The following MGAT5 variants were observed in gnomAD, a reference collection of about 807,000 sequenced individuals.
The protein encoded by MGAT5 is alpha-1,6-mannosylglycoprotein 6-beta-N-acetylglucosaminyltransferase.
MGAT5 carries 30 observed loss-of-function variants against 94.3 expected under a neutral mutation model. The observed-to-expected ratio is 0.32, with a 90% CI of 0.24 to 0.43. The LOEUF (loss-of-function observed/expected upper bound fraction) is 0.43, where lower values mean the gene tolerates loss of function less well. Ranked by LOEUF, MGAT5 falls within the 20% of genes least tolerant of loss-of-function variation. The probability of loss-of-function intolerance (pLI) is 1.00; values close to 1 mark genes in which losing one functional copy is unlikely to be tolerated. For missense variants in MGAT5, 691 were observed against 905.5 expected (o/e 0.76, Z 3.04); for synonymous variants, 310 against 322.9 (o/e 0.96, Z 0.43).
chr2:134,143,221 G>A (rs1686742865), intron 1 of MGAT5, among the ~76,000 whole-genome samples: 1 of 152,270 alleles, frequency 6.6e-6, no homozygotes, highest in East Asian at 1.9e-4. Context: ...GGTTTTATTT[G>A]GTGGGGGGAT....
rs1686049071 is a variant in MGAT5, at chr2:134,450,654, C to G, written c.*1807C>G. On this transcript the variant is annotated 3_prime_UTR_variant, in exon 16 of 16. Coordinates refer to ENST00000281923, the MANE Select transcript of MGAT5 (RefSeq NM_002410.5). Reference sequence around the variant, plus strand: ...TTAGGTGGCCCCCAAGCACATCTGCCAGGTAGAGTACCATGGGGAGGCCTC... The same window carrying G: ...TTAGGTGGCCCCCAAGCACATCTGCGAGGTAGAGTACCATGGGGAGGCCTC... 1.3e-5 allele frequency: 2 copies of G among 152,364 alleles called. No homozygotes were observed. Among genetic ancestry groups the G allele is most frequent in the Non-Finnish European group, 2.9e-5 (2 of 68,124 alleles). The allele number at this position is 152,364 out of a possible 1,614,324, so 9.4% of individuals were successfully genotyped here.
rs749978939 is a variant in MGAT5, at chr2:134,318,718, T to C, written c.552T>C (p.Ser184=). Reference sequence around the variant, plus strand: ...ATGGAGTGGATGGATCCACCTGCTCTTTTTTTATTTACCTCAGTGAGGTGA... The same window carrying C: ...ATGGAGTGGATGGATCCACCTGCTCCTTTTTTATTTACCTCAGTGAGGTGA... ...ADYGVDGSTC[S]FFIYLSEVEN... Residue 184 remains serine (S), a synonymous_variant, in exon 4 of 16, where the codon TCT becomes TCC. Coordinates refer to ENST00000281923, the MANE Select transcript of MGAT5 (RefSeq NM_002410.5). 24 of 1,612,370 alleles carry C rather than the reference T, an allele frequency of 1.5e-5. No individual in the cohort carries two copies. The highest frequency in any genetic ancestry group is 1.6e-4 in the Middle Eastern group (1 of 6,076).
chr2:134,439,916 TGCTAGGAGCCCTGGG>T (rs1685390770), intron 14 of MGAT5, among the ~76,000 whole-genome samples: 5 of 152,140 alleles, frequency 3.3e-5, no homozygotes, highest in Non-Finnish European at 7.4e-5. Flanking sequence ...CTTGCGTCAG[TGCTAGGAGCCCTGGG>T]CCCTGAGATT....
chr2:134,406,518 T>C (rs1449223000), intron 11 of MGAT5, among the ~76,000 whole-genome samples: 2 of 152,152 alleles, frequency 1.3e-5, no homozygotes, highest in Non-Finnish European at 2.9e-5. Context: ...CTTATCCTCA[T>C]GACTGACTGT....
chr2:134,136,789 C>T (rs1350147546), intron 1 of MGAT5, among the ~76,000 whole-genome samples: 2 of 152,162 alleles, frequency 1.3e-5, no homozygotes, highest in Non-Finnish European at 2.9e-5. Context: ...TTTCCCTCCT[C>T]TTCATCAAGA....
rs1680973136 is a variant in MGAT5, at chr2:134,224,825, T to A, written c.-142-29437T>A. ...CAGGCATGGAGGCTCATACCTGTTATCCCAGCACTTTGGGAGGCCAAGGTG... is the reference window on the plus strand; with the variant it reads ...CAGGCATGGAGGCTCATACCTGTTAACCCAGCACTTTGGGAGGCCAAGGTG... On this transcript the variant is annotated intron_variant, in intron 1 of 16. Transcript: ENST00000409645. Among the ~76,000 whole-genome samples the A allele has an allele frequency of 3.9e-5, 6 of 152,268 alleles. No individual in the cohort carries two copies. In the South Asian group the frequency reaches 1.2e-3, roughly 32 times the overall value.
chr2:134,161,645 G>T (rs1397562122), intron 1 of MGAT5, among the ~76,000 whole-genome samples: 2 of 152,182 alleles, frequency 1.3e-5, no homozygotes, highest in African/African-American at 4.8e-5. Context: ...CTTCTAGTAA[G>T]GGTGTGATCT....
chr2:134,120,322 C>T, intron 1 of MGAT5: 2 of 390,492 alleles, frequency 5.1e-6, no homozygotes, highest in East Asian at 3.6e-5. Flanking sequence ...GTGATCGCGT[C>T]GGAGGGAGCT....
Position 134,449,009 on chromosome 2 carries a change from C to T in MGAT5, c.*162C>T. ...ATTGCCCTTGCTGCACTCCGAGCAACCCAGTGGAGTCTTCACCAAAACAAA... is the reference window on the plus strand; with the variant it reads ...ATTGCCCTTGCTGCACTCCGAGCAATCCAGTGGAGTCTTCACCAAAACAAA... On this transcript the variant is annotated 3_prime_UTR_variant, in exon 16 of 16. Transcript: ENST00000281923. The T allele has an allele frequency of 1.5e-6, 1 of 668,986 alleles. No individual in the cohort carries two copies. The highest frequency in any genetic ancestry group is 2.7e-5 in the East Asian group (1 of 36,614). The allele number at this position is 668,986 out of a possible 1,614,324, so 41.4% of individuals were successfully genotyped here. A position where few individuals can be genotyped will look rare whatever the true frequency, so the allele number is the denominator to read the frequency against.
rs76445577 is a variant in MGAT5, at chr2:134,304,550, G to A, written c.407-12979G>A. 2.1e-3 allele frequency among the ~76,000 whole-genome samples: 327 copies of A among 152,250 alleles called. 3 individuals carry two copies. The highest frequency in any genetic ancestry group is 7.4e-3 in the African/African-American group (308 of 41,542). ...CACAAATTCATTAGCCTTTTATGTG[G>A]AGTTGATGAATAGCATTCCAGGATT... On this transcript the variant is annotated intron_variant, in intron 2 of 15. Coordinates refer to ENST00000281923, the MANE Select transcript of MGAT5 (RefSeq NM_002410.5).
At chr2:134,234,259 C>T (rs1681519596) in intron 1 of MGAT5, among the ~76,000 whole-genome samples, 1 of 152,128 alleles carries the variant, frequency 6.6e-6, no homozygotes. Context: ...CAAGAGACTC[C>T]TAGAGCAGTG....
chr2:134,246,106 T>TA (rs1682243624), intron 1 of MGAT5, among the ~76,000 whole-genome samples: 1 of 149,846 alleles, frequency 6.7e-6, no homozygotes, highest in Non-Finnish European at 1.5e-5. Flanking sequence ...AAAATAAGAC[T>TA]AGTTTAGCCA....
rs201517500 is a variant in MGAT5 at position 134,148,757 on chromosome 2, A to AG, written c.-143+28468dup. 3.1e-4 allele frequency among the ~76,000 whole-genome samples: 38 copies of AG among 121,100 alleles called. 2 individuals are homozygous for AG. In the East Asian group the frequency reaches 7.5e-3, roughly 24 times the overall value. The allele number at this position is 121,100 out of a possible 152,430, so 79.4% of individuals were successfully genotyped here. ...TCCTTGAAATTAAGTTCTCTTTCTT[A>AG]GGTTTTTTTTTTTTTTTTTTTTTGA... On this transcript the variant is annotated intron_variant, in intron 1 of 16. Coordinates refer to the MGAT5 transcript ENST00000409645.
chr2:134,289,114 C>A (rs574839788), intron 2 of MGAT5, among the ~76,000 whole-genome samples: 1 of 152,046 alleles, frequency 6.6e-6, no homozygotes, highest in African/African-American at 2.4e-5. Context: ...GCCATCACTT[C>A]CATCCTCTTC....
chr2:134,281,437 G>T (rs1428402001), intron 2 of MGAT5, among the ~76,000 whole-genome samples: 1 of 152,214 alleles, frequency 6.6e-6, no homozygotes, highest in African/African-American at 2.4e-5. Context: ...ATGACTGAAA[G>T]TATTGGTTGC....
chr2:134,308,890 G>A (rs1686489335), intron 2 of MGAT5, among the ~76,000 whole-genome samples: 1 of 152,132 alleles, frequency 6.6e-6, no homozygotes, highest in Non-Finnish European at 1.5e-5. Context: ...AAAATAATTA[G>A]TTCGATGTGG....
intron 1 of MGAT5, among the ~76,000 whole-genome samples, chr2:134,127,804 G>A (rs1215811021): frequency 6.6e-6 from 1 of 152,130 alleles, no homozygotes; most frequent in Non-Finnish European, 1.5e-5. Flanking sequence ...TTCTACTAGT[G>A]TGCCTGCGTG....
intron 10 of MGAT5, among the ~76,000 whole-genome samples, chr2:134,390,609 A>G (rs1682343218): frequency 6.6e-6 from 1 of 152,242 alleles, no homozygotes; most frequent in African/African-American, 2.4e-5. Flanking sequence ...AACTATTTTA[A>G]ATGTAGGACT....
At chr2:134,280,607 A>G (rs944557445) in intron 2 of MGAT5, among the ~76,000 whole-genome samples, 9 of 152,246 alleles carry the variant, frequency 5.9e-5, no homozygotes, top group Non-Finnish European at 1.3e-4. Flanking sequence ...TGGGCTCTTG[A>G]ACCAGAGAAA....
Sources: allele counts gnomAD v4.1 joint callset (sites outside exome capture counted in the v4.1 genomes callset), GRCh38; gene constraint gnomAD v4.1.1; transcripts MANE v1.5; gene names NCBI Gene and HGNC (gene_info 2026-07-23, HGNC 2026-07-21).